The following TBCD variants were observed in gnomAD, a reference collection of about 807,000 sequenced individuals.
TBCD encodes tubulin folding cofactor D.
A neutral mutation model predicts 169.3 loss-of-function variants in TBCD; 105 were observed. The ratio of observed to expected loss-of-function variants is 0.62; its 90% CI spans 0.53 to 0.73. TBCD has a LOEUF of 0.73. Ranked by LOEUF, TBCD falls within the 30% of genes least tolerant of loss-of-function variation. The pLI is 0.00. For missense variants in TBCD, 1,444 were observed against 1,600.1 expected (o/e 0.90, Z 1.66); for synonymous variants, 700 against 643.9 (o/e 1.09, Z -1.32).
chr17:82,775,338 G>A (rs2048530760), intron 6 of TBCD, among the ~76,000 whole-genome samples: 1 of 152,192 alleles, frequency 6.6e-6, no homozygotes, highest in Admixed American at 6.5e-5. Context: ...TGCCGTCAGT[G>A]GAAGAGCTCT....
At chr17:82,897,146 C>T (rs2059543264) in intron 17 of TBCD, among the ~76,000 whole-genome samples, 2 of 152,088 alleles carry the variant, frequency 1.3e-5, no homozygotes, top group African/African-American at 4.8e-5. Context: ...CAGATGCTTC[C>T]TTGCTACATA....
chr17:82,909,321 A>T lies in TBCD; in HGVS notation c.2006+14A>T. 6.6e-7 allele frequency: 1 copy of T among 1,521,798 alleles called. No individual in the cohort carries two copies. Among genetic ancestry groups the T allele is most frequent in the Non-Finnish European group, 8.9e-7 (1 of 1,121,730 alleles). 94.3% of individuals were successfully genotyped at this position (1,521,798 alleles called of 1,614,324 possible). A position where few individuals can be genotyped will look rare whatever the true frequency, so the allele number is the denominator to read the frequency against. On this transcript the variant is annotated intron_variant, in intron 22 of 38. Transcript: ENST00000355528. ...TCAGTTATACAGGTGAGCTTTACAAAACCAAAGTTCTTATATCTGTGTCCT... is the reference window on the plus strand; with the variant it reads ...TCAGTTATACAGGTGAGCTTTACAATACCAAAGTTCTTATATCTGTGTCCT...
At chr17:82,892,658 G>C (rs2059222708) in intron 16 of TBCD, among the ~76,000 whole-genome samples, 1 of 152,166 alleles carries the variant, frequency 6.6e-6, no homozygotes, top group East Asian at 1.9e-4. Flanking sequence ...GTGATGAATG[G>C]GTTAAAGACG....
At chr17:82,888,030 G>T (rs765591615) in intron 15 of TBCD, among the ~76,000 whole-genome samples, 2 of 152,178 alleles carry the variant, frequency 1.3e-5, no homozygotes, top group Non-Finnish European at 2.9e-5. Context: ...CCAGTCTGTA[G>T]CTCATCTTTC....
At chr17:82,769,891 A>G (rs1364684678) in intron 5 of TBCD, among the ~76,000 whole-genome samples, 4 of 152,104 alleles carry the variant, frequency 2.6e-5, no homozygotes, top group Admixed American at 2.6e-4. Context: ...AAAAAAAAAA[A>G]AAAATTTAAC....
chr17:82,884,875 C>G lies in TBCD; in HGVS notation c.1533+673C>G, dbSNP rs1278494246. On this transcript the variant is annotated intron_variant, in intron 15 of 38. Coordinates refer to ENST00000355528, the MANE Select transcript of TBCD (RefSeq NM_005993.5). The surrounding 1 kb of genome is among the most constrained non-coding windows in gnomAD (Gnocchi z 4.2). ...AGAGCGGACAGTTGAGACGGTGGAC[C>G]AGTCTCAAGATAAGAGTCTTTATTT... The G allele has an allele frequency of 1.3e-5, 2 of 152,540 alleles. No homozygotes were observed. The highest frequency in any genetic ancestry group is 4.8e-5 in the African/African-American group (2 of 41,392). The allele number at this position is 152,540 out of a possible 1,614,324, so 9.4% of individuals were successfully genotyped here.
chr17:82,813,255 ACT>A (rs1251182401), intron 12 of TBCD, among the ~76,000 whole-genome samples: 1 of 150,792 alleles, frequency 6.6e-6, no homozygotes, highest in Non-Finnish European at 1.5e-5. Context: ...TACCTGCGAC[ACT>A]CTTTACCCGC....
chr17:82,827,938 C>A (rs1265931330), intron 13 of TBCD, among the ~76,000 whole-genome samples: 5 of 150,244 alleles, frequency 3.3e-5, no homozygotes, highest in Non-Finnish European at 7.4e-5. Context: ...CACGTGGACA[C>A]CCACACGATT....
Position 82,943,011 on chromosome 17 carries a change from T to C in TBCD, c.*548T>C. 5.9e-6 allele frequency: 1 copy of C among 169,052 alleles called. No homozygotes were observed. Among genetic ancestry groups the C allele is most frequent in the Non-Finnish European group, 1.3e-5 (1 of 79,338 alleles). 10.5% of individuals were successfully genotyped at this position (169,052 alleles called of 1,614,324 possible). On this transcript the variant is annotated 3_prime_UTR_variant, in exon 39 of 39. Transcript: ENST00000355528. ...GCCCGTCTGCCTGGTGGGGGTGCTG[T>C]CCTCCCCCCTGTGCACACGTGAGCA... is the stretch of plus-strand genomic sequence containing the variant.
intron 9 of TBCD, among the ~76,000 whole-genome samples, chr17:82,801,781 C>CGT (rs2050573545): frequency 7.4e-6 from 1 of 136,008 alleles, no homozygotes; most frequent in Admixed American, 7.6e-5. Flanking sequence ...AGGAGGGCGG[C>CGT]GTGTGCATCG....
At chr17:82,868,275 C>G (rs954561422) in intron 13 of TBCD, among the ~76,000 whole-genome samples, 1 of 152,132 alleles carries the variant, frequency 6.6e-6, no homozygotes, top group Non-Finnish European at 1.5e-5. Flanking sequence ...GAAGCTGCAG[C>G]GCATCCAGGT....
chr17:82,899,110 C>T (rs1270188301), intron 17 of TBCD, among the ~76,000 whole-genome samples: 1 of 152,216 alleles, frequency 6.6e-6, no homozygotes, highest in Non-Finnish European at 1.5e-5. Context: ...GGACCGTCCG[C>T]AGCGCGTGTG....
At position 82,923,769 on chromosome 17, in the gene TBCD, G is replaced by C; in HGVS notation, c.2260+36G>C. On this transcript the variant is annotated intron_variant, in intron 26 of 38. Coordinates refer to ENST00000355528, the MANE Select transcript of TBCD (RefSeq NM_005993.5). This position sits in a 1 kb window ranked among gnomAD's most constrained non-coding sequence, Gnocchi z 4.6. The stretch of plus-strand genomic sequence containing the variant: ...AGCCCTTTTCTTGAAGACTCCAGGG[G>C]CTTCCAGCAGGAAGCTGCTGGGGAG... 1 of 1,538,034 alleles carries C rather than the reference G, an allele frequency of 6.5e-7. No individual in the cohort carries two copies. Among genetic ancestry groups the C allele is most frequent in the Non-Finnish European group, 8.8e-7 (1 of 1,136,012 alleles).
At chr17:82,931,477 G>A (rs1422800341) in intron 33 of TBCD, among the ~76,000 whole-genome samples, 3 of 152,140 alleles carry the variant, frequency 2.0e-5, no homozygotes, top group South Asian at 2.1e-4. Flanking sequence ...GCTGGGCCGC[G>A]TGCCGGTCGC....
intron 7 of TBCD, among the ~76,000 whole-genome samples, chr17:82,788,395 C>T (rs894580887): frequency 3.3e-5 from 5 of 151,822 alleles, no homozygotes; most frequent in African/African-American, 4.8e-5. Flanking sequence ...GGCTGGGAGG[C>T]GGCGGCGGGG....
In TBCD at chr17:82,831,210, C is replaced by A. The variant is rs148917942; in HGVS notation, c.1318+16276C>A. 5.0e-6 allele frequency: 8 copies of A among 1,614,072 alleles called. No homozygotes were observed. The highest frequency in any genetic ancestry group is 6.8e-6 in the Non-Finnish European group (8 of 1,180,038). ...TCGTCTGCATGAAGTCGGTGGGGCT[C>A]GGCCTCCCTGGGGAGCCCGTGGCTG... On this transcript the variant is annotated intron_variant, in intron 13 of 38. Coordinates refer to ENST00000355528, the MANE Select transcript of TBCD (RefSeq NM_005993.5). This position sits in a 1 kb window ranked among gnomAD's most constrained non-coding sequence, Gnocchi z 4.6.
In TBCD at chr17:82,915,167, C is replaced by T. The variant is rs532951321; in HGVS notation, c.2038+3378C>T. On this transcript the variant is annotated intron_variant, in intron 23 of 38. Coordinates refer to ENST00000355528, the MANE Select transcript of TBCD (RefSeq NM_005993.5). The surrounding 1 kb of genome is among the most constrained non-coding windows in gnomAD (Gnocchi z 4.3). Reference sequence around the variant, plus strand: ...GAGGGGCTGCTGGTCACTTTCTCACCCAGGCCAGAGGATGGCGCCCTTACC... The same window carrying T: ...GAGGGGCTGCTGGTCACTTTCTCACTCAGGCCAGAGGATGGCGCCCTTACC... 9.3e-4 allele frequency among the ~76,000 whole-genome samples: 142 copies of T among 152,182 alleles called. 1 individual carries two copies. Among genetic ancestry groups the T allele is most frequent in the South Asian group, 2.1e-3 (10 of 4,814 alleles).
At position 82,889,570 on chromosome 17, in the gene TBCD, C is replaced by A; in HGVS notation, c.1534-98C>A. ...AGGGCTTTTATTTAAAAAATAAAGC[C>A]GTGGGTCATTCACGTTGTGCTGTTT... is the stretch of plus-strand genomic sequence containing the variant. On this transcript the variant is annotated intron_variant, in intron 15 of 38. Transcript: ENST00000355528. The surrounding 1 kb of genome is among the most constrained non-coding windows in gnomAD (Gnocchi z 5.3). 7.0e-7 allele frequency: 1 copy of A among 1,432,900 alleles called. No homozygotes were observed. The highest frequency in any genetic ancestry group is 9.8e-7 in the Non-Finnish European group (1 of 1,025,472). 88.8% of individuals were successfully genotyped at this position (1,432,900 alleles called of 1,614,324 possible).
At chr17:82,787,191 C>T (rs1372836917) in intron 7 of TBCD, among the ~76,000 whole-genome samples, 1 of 152,182 alleles carries the variant, frequency 6.6e-6, no homozygotes, top group African/African-American at 2.4e-5. Flanking sequence ...AAGAGTGAGG[C>T]GTGCTGTCCT....
Sources: gnomAD v4.1 joint callset for allele counts (sites outside exome capture counted in the v4.1 genomes callset) on GRCh38, gnomAD v4.1.1 for gene constraint, Gnocchi (gnomAD v3.1) non-coding constraint, MANE v1.5 for transcripts, NCBI Gene and HGNC (gene_info 2026-07-23, HGNC 2026-07-21) for gene names.